The following TGM6 variants were observed in gnomAD, a reference collection of about 807,000 sequenced individuals.
TGM6 encodes transglutaminase 6.
TGM6 carries 74 observed loss-of-function variants against 77.5 expected under a neutral mutation model. The observed-to-expected ratio is 0.96, with a 90% CI of 0.79 to 1.16. The LOEUF (loss-of-function observed/expected upper bound fraction) is 1.16, where lower values mean the gene tolerates loss of function less well. Ranked by LOEUF, TGM6 falls within the 50% of genes most tolerant of loss-of-function variation. TGM6 has a pLI of 0.00. For missense variants in TGM6, 968 were observed against 940.2 expected (o/e 1.03, Z -0.39); for synonymous variants, 383 against 378.9 (o/e 1.01, Z -0.12).
At chr20:2,386,188 G>A (rs183903286) in intron 1 of TGM6, among the ~76,000 whole-genome samples, 29 of 152,266 alleles carry the variant, frequency 1.9e-4, no homozygotes, top group Admixed American at 9.1e-4. Context: ...AGGACAGAAC[G>A]TATCTGAAAT....
At chr20:2,401,964 G>A (rs1483701093) in intron 7 of TGM6, among the ~76,000 whole-genome samples, 8 of 152,262 alleles carry the variant, frequency 5.3e-5, no homozygotes, top group Admixed American at 2.6e-4. Flanking sequence ...ATGGCTGGGC[G>A]CGGTGGCTCG....
chr20:2,432,262 G>A (rs2084928591), intron 12 of TGM6, among the ~76,000 whole-genome samples: 1 of 152,076 alleles, frequency 6.6e-6, no homozygotes, highest in Non-Finnish European at 1.5e-5. Flanking sequence ...TGGCCAGGCT[G>A]GTCTCGAACT....
chr20:2,404,636 T>C (rs1282976069), intron 9 of TGM6, among the ~76,000 whole-genome samples: 4 of 149,234 alleles, frequency 2.7e-5, no homozygotes, highest in African/African-American at 9.7e-5. Context: ...ACAGCTCTGG[T>C]TGCACTTTTT....
intron 1 of TGM6, among the ~76,000 whole-genome samples, chr20:2,381,581 C>A (rs1460132064): frequency 6.6e-6 from 1 of 152,210 alleles, no homozygotes; most frequent in East Asian, 1.9e-4. Flanking sequence ...GTGTGCTGTT[C>A]TCCCACCACA....
chr20:2,430,659 G>A (rs2084918071), intron 11 of TGM6, 59 bp downstream of exon 11: 3 of 1,611,580 alleles, frequency 1.9e-6, no homozygotes, highest in Non-Finnish European at 2.5e-6. Context: ...CCAGAGCTGG[G>A]GGAGGGCGTC....
chr20:2,417,977 G>A (rs1408786839), intron 10 of TGM6, among the ~76,000 whole-genome samples: 2 of 152,112 alleles, frequency 1.3e-5, no homozygotes, highest in Non-Finnish European at 2.9e-5. Context: ...TTCTGTGGGA[G>A]AGGGCTGGAC....
At chr20:2,394,221 G>A (rs572889617) in intron 1 of TGM6, among the ~76,000 whole-genome samples, 1 of 152,188 alleles carries the variant, frequency 6.6e-6, no homozygotes, top group East Asian at 1.9e-4. Context: ...TTGAACCTGG[G>A]AGGCAGAGGT....
chr20:2,383,000 G>T (rs1490088683), intron 1 of TGM6, among the ~76,000 whole-genome samples: 2 of 152,328 alleles, frequency 1.3e-5, no homozygotes, highest in East Asian at 1.9e-4. Flanking sequence ...GCTGGCTCTG[G>T]CTGGGACATT....
chr20:2,416,132 T>G (rs2122405775), intron 9 of TGM6, among the ~76,000 whole-genome samples: 1 of 152,328 alleles, frequency 6.6e-6, no homozygotes, highest in Non-Finnish European at 1.5e-5. Flanking sequence ...AAAGCAGCAG[T>G]GTGCAGCAAC....
intron 7 of TGM6, among the ~76,000 whole-genome samples, chr20:2,402,815 C>G (rs1211541011): frequency 2.6e-5 from 4 of 152,234 alleles, no homozygotes; most frequent in South Asian, 2.1e-4. Flanking sequence ...CTACCTACCC[C>G]CTCTGCTGGC....
chr20:2,432,224 T>G (rs1367912647), intron 12 of TGM6, among the ~76,000 whole-genome samples: 2 of 151,896 alleles, frequency 1.3e-5, no homozygotes, highest in African/African-American at 2.4e-5. Context: ...AATTTTTGTA[T>G]TTTAGTAGAG....
At chr20:2,390,252 A>G (rs1282806456) in intron 1 of TGM6, among the ~76,000 whole-genome samples, 5 of 152,190 alleles carry the variant, frequency 3.3e-5, no homozygotes, top group Admixed American at 3.3e-4. Context: ...AAATTTCAGT[A>G]TTCATCATTC....
chr20:2,405,711 G>A (rs2084745704), intron 9 of TGM6, among the ~76,000 whole-genome samples: 1 of 152,174 alleles, frequency 6.6e-6, no homozygotes, highest in Non-Finnish European at 1.5e-5. Flanking sequence ...TTTCAACACA[G>A]CTTCTTTCTG....
At chr20:2,394,004 A>G (rs915908691) in intron 1 of TGM6, among the ~76,000 whole-genome samples, 3 of 152,110 alleles carry the variant, frequency 2.0e-5, no homozygotes, top group Non-Finnish European at 2.9e-5. Context: ...CTTAATGACC[A>G]AGAGGCTGGG....
At chr20:2,387,469 G>A (rs2084603951) in intron 1 of TGM6, among the ~76,000 whole-genome samples, 1 of 152,172 alleles carries the variant, frequency 6.6e-6, no homozygotes, top group Non-Finnish European at 1.5e-5. Context: ...CCAATCTTGG[G>A]ACACATGTGT....
At chr20:2,381,319 C>T (rs1244424444) in intron 1 of TGM6, among the ~76,000 whole-genome samples, 1 of 152,124 alleles carries the variant, frequency 6.6e-6, no homozygotes, top group East Asian at 1.9e-4. Flanking sequence ...TCCATGGATC[C>T]AGAGACGTTT....
At chr20:2,406,857 A>C (rs1280490520) in intron 9 of TGM6, among the ~76,000 whole-genome samples, 1 of 146,424 alleles carries the variant, frequency 6.8e-6, no homozygotes, top group African/African-American at 2.5e-5. Context: ...AAAAAAAAAA[A>C]AAAAAAAAAC....
At chr20:2,432,249 C>T (rs189596824) in intron 12 of TGM6, among the ~76,000 whole-genome samples, 133 of 152,084 alleles carry the variant, frequency 8.7e-4, no homozygotes, top group African/African-American at 2.6e-3. Context: ...GGTTTCACCA[C>T]GTTGGCCAGG....
At chr20:2,417,623 A>G (rs1424373427) in intron 10 of TGM6, 50 bp downstream of exon 10, 1 of 1,548,158 alleles carries the variant, frequency 6.5e-7, no homozygotes, top group East Asian at 2.4e-5. Flanking sequence ...CTCCTTTTTC[A>G]GGAGGGTTGT....
Sources: allele counts gnomAD v4.1 joint callset (sites outside exome capture counted in the v4.1 genomes callset), GRCh38; gene constraint gnomAD v4.1.1; transcripts MANE v1.5; gene names NCBI Gene and HGNC (gene_info 2026-07-23, HGNC 2026-07-21).